SGCG: variants seen among roughly 807,000 people sequenced by gnomAD.
SGCG encodes gamma-sarcoglycan.
A neutral mutation model predicts 29.3 loss-of-function variants in SGCG; 26 were observed. The ratio of observed to expected loss-of-function variants is 0.89; its 90% CI spans 0.65 to 1.23. The LOEUF (loss-of-function observed/expected upper bound fraction) is 1.23. Ranked by LOEUF, SGCG falls within the 50% of genes most tolerant of loss-of-function variation. The probability of loss-of-function intolerance (pLI) is 0.00; values close to 1 mark genes in which losing one functional copy is unlikely to be tolerated. For synonymous variants in SGCG, 145 were observed against 129.7 expected, an observed-to-expected ratio of 1.12 and a Z score of -0.80; for missense variants, 353 against 356.0, an observed-to-expected ratio of 0.99 and a Z score of 0.07.
the SGCG span, among the ~76,000 whole-genome samples, chr13:23,168,719 A>G: frequency 0.028 from 4,280 of 152,304 alleles, 92 homozygotes; most frequent in South Asian, 0.061. Flanking sequence ...TTTTAATATT[A>G]GCAAAGGCCT....
chr13:23,239,258 T>G (rs1879420271), intron 3 of SGCG, among the ~76,000 whole-genome samples: 2 of 150,006 alleles, frequency 1.3e-5, no homozygotes, highest in East Asian at 2.0e-4. Flanking sequence ...TACAAAGGAG[T>G]GAAAAAAATA....
chr13:23,160,882 A>G, the SGCG span, among the ~76,000 whole-genome samples: 1 of 152,156 alleles, frequency 6.6e-6, no homozygotes, highest in Non-Finnish European at 1.5e-5. Flanking sequence ...ACAAGAGTAA[A>G]ATGTAATTTA....
chr13:23,267,110 A>G (rs1593207250), intron 4 of SGCG, among the ~76,000 whole-genome samples: 1 of 152,198 alleles, frequency 6.6e-6, no homozygotes. Context: ...TCTATTTCCA[A>G]TAAGAAAAAT....
chr13:23,297,141 C>T (rs1881937035), intron 6 of SGCG, among the ~76,000 whole-genome samples: 1 of 152,048 alleles, frequency 6.6e-6, no homozygotes, highest in Non-Finnish European at 1.5e-5. Context: ...GATAGTAATC[C>T]TTACCTCAGA....
intron 5 of SGCG, among the ~76,000 whole-genome samples, chr13:23,282,921 G>A (rs2137623569): frequency 6.6e-6 from 1 of 152,336 alleles, no homozygotes; most frequent in East Asian, 1.9e-4. Flanking sequence ...ATGTAGTTGT[G>A]TGCTTTTGAG....
At chr13:23,239,624 A>C (rs554694823) in intron 3 of SGCG, among the ~76,000 whole-genome samples, 23 of 152,346 alleles carry the variant, frequency 1.5e-4, no homozygotes, top group African/African-American at 5.5e-4. Flanking sequence ...TCAAAGCCAA[A>C]AGAACAATGT....
chr13:23,162,284 A>C, the SGCG span, among the ~76,000 whole-genome samples: 50,229 of 151,956 alleles, frequency 0.33, 8,727 homozygotes, highest in Non-Finnish European at 0.4. Flanking sequence ...ATGGTTTTTT[A>C]TTATTTGTCA....
intron 2 of SGCG, among the ~76,000 whole-genome samples, chr13:23,227,325 A>C (rs1425440993): frequency 2.0e-5 from 3 of 147,624 alleles, no homozygotes; most frequent in Non-Finnish European, 4.4e-5. Context: ...GAAAAAAAAA[A>C]AAAACAAAAA....
At chr13:23,233,072 C>T (rs985875919) in intron 2 of SGCG, among the ~76,000 whole-genome samples, 2 of 151,884 alleles carry the variant, frequency 1.3e-5, no homozygotes, top group Admixed American at 6.6e-5. Context: ...GGCTCTATAC[C>T]GAAAGAATTG....
At chr13:23,253,990 G>T (rs1048993801) in intron 4 of SGCG, among the ~76,000 whole-genome samples, 2 of 152,230 alleles carry the variant, frequency 1.3e-5, no homozygotes, top group African/African-American at 4.8e-5. Context: ...CTGCAGAATT[G>T]TGAGCCAATT....
intron 4 of SGCG, among the ~76,000 whole-genome samples, chr13:23,274,522 A>G (rs1880996415): frequency 6.9e-6 from 1 of 145,602 alleles, no homozygotes; most frequent in African/African-American, 2.6e-5. Flanking sequence ...CCCCAGGTTG[A>G]CGCCATTCTC....
chr13:23,240,716 T>C (rs1403124279), intron 3 of SGCG, among the ~76,000 whole-genome samples: 4 of 151,692 alleles, frequency 2.6e-5, no homozygotes, highest in East Asian at 1.9e-4. Flanking sequence ...TAAATAACCA[T>C]GGGTCAAAGA....
In SGCG at chr13:23,320,654, G is replaced by T; in HGVS notation, c.596G>T (p.Arg199Leu). ...FQDLRLESPT[R>L]SLSMDAPRGV... ...CATCTCAGATTAGAATCCCCCACTC[G>T]GAGTCTAAGCATGGATGCCCCAAGG... is the stretch of plus-strand genomic sequence containing the variant. Residue 199 changes from arginine (R) to leucine (L), a missense_variant, in exon 7 of 8, where the codon CGG becomes CTG. By Grantham distance (102) the Arg-to-Leu change is moderately radical. Coordinates refer to ENST00000218867, the MANE Select transcript of SGCG (RefSeq NM_000231.3). 2 of 1,581,126 alleles carry T rather than the reference G, an allele frequency of 1.3e-6. No homozygotes were observed. Among genetic ancestry groups the T allele is most frequent in the South Asian group, 2.2e-5 (2 of 88,926 alleles).
the SGCG span, among the ~76,000 whole-genome samples, chr13:23,164,202 T>C: frequency 6.6e-6 from 1 of 152,248 alleles, no homozygotes; most frequent in Non-Finnish European, 1.5e-5. Context: ...ATAACTCCCC[T>C]TAATCCAAAA....
Position 23,324,623 on chromosome 13 carries a change from CTG to C in SGCG, c.*83_*84del, listed in dbSNP as rs1883167385. 2 of 1,280,164 alleles carry C rather than the reference CTG, an allele frequency of 1.6e-6. No homozygotes were observed. The highest frequency in any genetic ancestry group is 2.9e-5 in the African/African-American group (2 of 68,594). 79.3% of individuals were successfully genotyped at this position (1,280,164 alleles called of 1,614,324 possible). On this transcript the variant is annotated 3_prime_UTR_variant, in exon 8 of 8. Coordinates refer to ENST00000218867, the MANE Select transcript of SGCG (RefSeq NM_000231.3). ...GGGAGCAGCTGCACATCGTGAAAGACTGAGGCAGCGTGGATGGGAAGTAAACG... is the reference window on the plus strand; with the variant it reads ...GGGAGCAGCTGCACATCGTGAAAGACAGGCAGCGTGGATGGGAAGTAAACG...
chr13:23,190,199 T>C (rs1005976802), intron 1 of SGCG, among the ~76,000 whole-genome samples: 1 of 152,178 alleles, frequency 6.6e-6, no homozygotes, highest in Non-Finnish European at 1.5e-5. Context: ...ATAATAATTT[T>C]AGTAAATTGG....
intron 2 of SGCG, among the ~76,000 whole-genome samples, chr13:23,228,621 C>T (rs1296894506): frequency 6.6e-6 from 1 of 152,050 alleles, no homozygotes; most frequent in Non-Finnish European, 1.5e-5. Context: ...CCTCCTCCCA[C>T]CCTCCACCCT....
intron 3 of SGCG, among the ~76,000 whole-genome samples, chr13:23,236,350 G>T (rs973939136): frequency 2.6e-5 from 4 of 152,148 alleles, no homozygotes; most frequent in Non-Finnish European, 5.9e-5. Context: ...CAGGTGACTA[G>T]GTCACAGCAA....
At chr13:23,183,323 G>A (rs946023433) in intron 1 of SGCG, among the ~76,000 whole-genome samples, 3 of 152,116 alleles carry the variant, frequency 2.0e-5, no homozygotes, top group Non-Finnish European at 2.9e-5. Flanking sequence ...GGAAGACCTC[G>A]GGAAAATGAC....
Sources: allele counts gnomAD v4.1 joint callset (sites outside exome capture counted in the v4.1 genomes callset), GRCh38; gene constraint gnomAD v4.1.1; transcripts MANE v1.5; gene names NCBI Gene and HGNC (gene_info 2026-07-23, HGNC 2026-07-21).